Variants in RRP9 observed in about 807,000 individuals in gnomAD.
The protein encoded by RRP9 is ribosomal RNA processing 9, U3 small nucleolar RNA binding protein.
A neutral mutation model predicts 65.5 loss-of-function variants in RRP9; 35 were observed. The observed-to-expected ratio is 0.53, with a 90% CI of 0.41 to 0.71. RRP9 has a LOEUF of 0.71. RRP9 is among the 30% of genes least tolerant of loss of function. The probability of loss-of-function intolerance (pLI) is 0.00; values close to 1 mark genes in which losing one functional copy is unlikely to be tolerated. For missense variants in RRP9, 533 were observed against 633.6 expected (o/e 0.84, Z 1.70); for synonymous variants, 254 against 245.0 (o/e 1.04, Z -0.34).
rs200679569 is a variant in RRP9 at position 51,934,726 on chromosome 3, C to G, written c.1085G>C (p.Arg362Pro). 1 of 1,614,132 alleles carries G rather than the reference C, an allele frequency of 6.2e-7. No homozygotes were observed. Among genetic ancestry groups the G allele is most frequent in the Non-Finnish European group, 8.5e-7 (1 of 1,180,018 alleles). ...LSKKRPLALQREAHGLRGEPG... is the reference protein window; with the variant it reads ...LSKKRPLALQPEAHGLRGEPG... ...CTCTCCCCGCAGCCCGTGAGCTTCACGCTGCAGGGCAAGTGGTCGCTTCTT... is the reference window on the plus strand; with the variant it reads ...CTCTCCCCGCAGCCCGTGAGCTTCAGGCTGCAGGGCAAGTGGTCGCTTCTT... Residue 362 changes from arginine to proline, a missense_variant, in exon 12 of 15, where the codon CGT becomes CCT. By Grantham distance (103) the Arg-to-Pro change is moderately radical. Around this residue, in one of 3 missense-constraint regions of RRP9, gnomAD observed 449 missense variants for 550.6 expected, o/e 0.82. Transcript: ENST00000232888. This position sits in a 1 kb window ranked among gnomAD's most constrained non-coding sequence, Gnocchi z 4.1.
chr3:51,936,583 CTGGGA>C (rs753476056), intron 6 of RRP9, 28 bp from the exon 7 acceptor site: 6 of 1,608,912 alleles, frequency 3.7e-6, no homozygotes, highest in Non-Finnish European at 3.4e-6. Flanking sequence ...GGAGAAGCTA[CTGGGA>C]TGGGGGGATA....
At position 51,937,592 on chromosome 3, in the gene RRP9, T is replaced by G; in HGVS notation, c.349-6A>C. On this transcript the variant is annotated splice_polypyrimidine_tract_variant and splice_region_variant and intron_variant, in intron 4 of 14. Coordinates refer to ENST00000232888, the MANE Select transcript of RRP9 (RefSeq NM_004704.5). The surrounding 1 kb of genome is among the most constrained non-coding windows in gnomAD (Gnocchi z 5.0). Reference sequence around the variant, plus strand: ...AGCCTGCCCCTCTGCTCAAGCTGCATGGAGAAGAGATGGATGAGACCCTGG... The same window carrying G: ...AGCCTGCCCCTCTGCTCAAGCTGCAGGGAGAAGAGATGGATGAGACCCTGG... 1 of 1,614,214 alleles carries G rather than the reference T, an allele frequency of 6.2e-7. No homozygotes were observed. The highest frequency in any genetic ancestry group is 8.5e-7 in the Non-Finnish European group (1 of 1,180,032).
At chr3:51,938,243 T>C (rs1309804162) in intron 2 of RRP9, 39 bp from the exon 3 acceptor site, 1 of 1,453,682 alleles carries the variant, frequency 6.9e-7, no homozygotes, top group Admixed American at 2.1e-5. Context: ...GGGCTCACCT[T>C]GTTCCTCTGA....
chr3:51,934,322 T>C lies in RRP9; in HGVS notation c.1260+150A>G, dbSNP rs1699426055. ...AGGAAGGGGAGCAGAGGAGGGAAAGTGGGGAGGGTTCCTGCCAGGCCCTGT... is the reference window on the plus strand; with the variant it reads ...AGGAAGGGGAGCAGAGGAGGGAAAGCGGGGAGGGTTCCTGCCAGGCCCTGT... On this transcript the variant is annotated intron_variant, in intron 13 of 14. Coordinates refer to ENST00000232888, the MANE Select transcript of RRP9 (RefSeq NM_004704.5). This position sits in a 1 kb window ranked among gnomAD's most constrained non-coding sequence, Gnocchi z 4.1. 1 of 734,370 alleles carries C rather than the reference T, an allele frequency of 1.4e-6. No individual in the cohort carries two copies. Among genetic ancestry groups the C allele is most frequent in the Non-Finnish European group, 2.2e-6 (1 of 446,206 alleles). 45.5% of individuals were successfully genotyped at this position (734,370 alleles called of 1,614,324 possible).
intron 2 of RRP9, among the ~76,000 whole-genome samples, chr3:51,938,860 C>T (rs1699485830): frequency 6.6e-6 from 1 of 152,128 alleles, no homozygotes; most frequent in Non-Finnish European, 1.5e-5. Flanking sequence ...ACCAGGCAGA[C>T]ACACCAGGAC....
Position 51,938,147 on chromosome 3 carries a change from C to T in RRP9, c.228G>A (p.Gln76=). ...EEEEELEETA[Q]EKKLRLAKLY... is the part of the protein sequence containing the mutation. ...GCTTGGCCAAGCGCAGCTTCTTTTC[C>T]TGTGCAGTTTCCTCCAGCTCCTCCT... The change falls in exon 3 of 15, where the codon CAG becomes CAA. Residue 76 remains glutamine, a synonymous_variant. Coordinates refer to ENST00000232888, the MANE Select transcript of RRP9 (RefSeq NM_004704.5). 1 of 1,606,494 alleles carries T rather than the reference C, an allele frequency of 6.2e-7. No individual in the cohort carries two copies. Among genetic ancestry groups the T allele is most frequent in the Non-Finnish European group, 8.5e-7 (1 of 1,178,252 alleles).
rs755386168 is a variant in RRP9, at chr3:51,941,414, G to A, written c.165C>T (p.Ser55=). 4.3e-6 allele frequency: 7 copies of A among 1,613,720 alleles called. No homozygotes were observed. Among genetic ancestry groups the A allele is most frequent in the East Asian group, 2.2e-5 (1 of 44,896 alleles). ...TGTGGAAAAGAATAGCTCACCTCTC[G>A]CTCTCAGAGTCGCTGGAGATCTCCT... ...MNEEISSDSE[S]ESLAPRKPEE... The change falls in exon 2 of 15, where the codon AGC becomes AGT. Residue 55 remains serine (S), a synonymous_variant. Coordinates refer to ENST00000232888, the MANE Select transcript of RRP9 (RefSeq NM_004704.5).
At chr3:51,938,238 C>CA (rs1170844588) in intron 2 of RRP9, 34 bp from the exon 3 acceptor site, 5 of 1,472,948 alleles carry the variant, frequency 3.4e-6, no homozygotes, top group Non-Finnish European at 4.6e-6. Context: ...CTGAGGGGCT[C>CA]ACCTTGTTCC....
At position 51,935,172 on chromosome 3, in the gene RRP9, C is replaced by T. The variant is rs1381564414; in HGVS notation, c.1034+25G>A. 3.7e-6 allele frequency: 6 copies of T among 1,613,838 alleles called. No homozygotes were observed. The South Asian group carries it at 5.5e-5, about 15-fold the overall frequency. ...AGCACTCAGGAGCAGAAGCCGTGGC[C>T]AGAGACATCCAAAGGACCTCTTACC... On this transcript the variant is annotated intron_variant, in intron 11 of 14. Coordinates refer to ENST00000232888, the MANE Select transcript of RRP9 (RefSeq NM_004704.5).
Position 51,934,425 on chromosome 3 carries a change from A to T in RRP9, c.1260+47T>A. 1 of 1,569,764 alleles carries T rather than the reference A, an allele frequency of 6.4e-7. No homozygotes were observed. Among genetic ancestry groups the T allele is most frequent in the Non-Finnish European group, 8.7e-7 (1 of 1,150,022 alleles). On this transcript the variant is annotated intron_variant, in intron 13 of 14. Coordinates refer to ENST00000232888, the MANE Select transcript of RRP9 (RefSeq NM_004704.5). The surrounding 1 kb of genome is among the most constrained non-coding windows in gnomAD (Gnocchi z 4.1). Reference sequence around the variant, plus strand: ...CTTAAAGAGCTAACTCCAGGGGCCTAGGCAGTGTGGCAGAGACAGGCTGAG... The same window carrying T: ...CTTAAAGAGCTAACTCCAGGGGCCTTGGCAGTGTGGCAGAGACAGGCTGAG...
chr3:51,940,904 A>T (rs186108182), intron 2 of RRP9, among the ~76,000 whole-genome samples: 1 of 150,820 alleles, frequency 6.6e-6, no homozygotes, highest in Non-Finnish European at 1.5e-5. Flanking sequence ...TCCGTGAGAG[A>T]CTCCTCTTCA....
At chr3:51,941,353 T>G in intron 2 of RRP9, 56 bp downstream of exon 2, 2 of 1,418,348 alleles carry the variant, frequency 1.4e-6, no homozygotes, top group South Asian at 2.3e-5. Context: ...CACTCAGTCT[T>G]CCGTGCACCA....
At position 51,936,246 on chromosome 3, in the gene RRP9, C is replaced by A; in HGVS notation, c.735+11G>T. 1 of 1,613,030 alleles carries A rather than the reference C, an allele frequency of 6.2e-7. No homozygotes were observed. Among genetic ancestry groups the A allele is most frequent in the Non-Finnish European group, 8.5e-7 (1 of 1,178,970 alleles). ...CACTAAAGATCCACTGACATAGACCCAGCTCCTCACCGACACTGCATCCCG... is the reference window on the plus strand; with the variant it reads ...CACTAAAGATCCACTGACATAGACCAAGCTCCTCACCGACACTGCATCCCG... On this transcript the variant is annotated intron_variant, in intron 8 of 14. Coordinates refer to ENST00000232888, the MANE Select transcript of RRP9 (RefSeq NM_004704.5).
chr3:51,941,572 C>G (rs1328787513), intron 1 of RRP9, 81 bp from the exon 2 acceptor site: 1 of 1,355,866 alleles, frequency 7.4e-7, no homozygotes, highest in African/African-American at 1.5e-5. Flanking sequence ...CCTCGGTTCC[C>G]TCAGAACCCC....
In RRP9 at chr3:51,935,853, G is replaced by A. The variant is rs1041229219; in HGVS notation, c.736-161C>T. ...CATCTGCCCCTGAGCAGATGCAGAC[G>A]TCTTTTTTATTTATTTATTTTTTTT... On this transcript the variant is annotated intron_variant, in intron 8 of 14. Transcript: ENST00000232888. Among the ~76,000 whole-genome samples the A allele has an allele frequency of 6.6e-5, 10 of 152,186 alleles. 1 individual carries two copies. The highest frequency in any genetic ancestry group is 3.3e-4 in the Admixed American group (5 of 15,282).
chr3:51,934,387 C>A lies in RRP9; in HGVS notation c.1260+85G>T. On this transcript the variant is annotated intron_variant, in intron 13 of 14. Coordinates refer to ENST00000232888, the MANE Select transcript of RRP9 (RefSeq NM_004704.5). The surrounding 1 kb of genome is among the most constrained non-coding windows in gnomAD (Gnocchi z 4.1). The stretch of plus-strand genomic sequence containing the variant: ...CTGCCCTGAGAAGGTTCCCTTCTGG[C>A]AGGAAGAAAGACCTTAAAGAGCTAA... 7.1e-7 allele frequency: 1 copy of A among 1,406,736 alleles called. No homozygotes were observed. The highest frequency in any genetic ancestry group is 9.7e-7 in the Non-Finnish European group (1 of 1,030,976). The allele number at this position is 1,406,736 out of a possible 1,614,324, so 87.1% of individuals were successfully genotyped here.
rs1699427025 is a variant in RRP9, at chr3:51,934,383, C to T, written c.1260+89G>A. On this transcript the variant is annotated intron_variant, in intron 13 of 14. Transcript: ENST00000232888. This position sits in a 1 kb window ranked among gnomAD's most constrained non-coding sequence, Gnocchi z 4.1. ...GGCCCTGCCCTGAGAAGGTTCCCTTCTGGCAGGAAGAAAGACCTTAAAGAG... is the reference window on the plus strand; with the variant it reads ...GGCCCTGCCCTGAGAAGGTTCCCTTTTGGCAGGAAGAAAGACCTTAAAGAG... The T allele has an allele frequency of 5.1e-6, 7 of 1,381,674 alleles. No individual in the cohort carries two copies. Among genetic ancestry groups the T allele is most frequent in the Non-Finnish European group, 5.9e-6 (6 of 1,010,182 alleles). The allele number at this position is 1,381,674 out of a possible 1,614,324, so 85.6% of individuals were successfully genotyped here.
At chr3:51,935,567 C>G (rs1180564080) in intron 9 of RRP9, 25 bp downstream of exon 9, 1 of 1,613,746 alleles carries the variant, frequency 6.2e-7, no homozygotes, top group Admixed American at 1.7e-5. Flanking sequence ...ACACCATCCA[C>G]ACACCCTCTC....
chr3:51,935,672 G>A lies in RRP9; in HGVS notation c.756C>T (p.Gly252=). Residue 252 remains glycine (G), a synonymous_variant, in exon 9 of 15, where the codon GGC becomes GGT. Transcript: ENST00000232888. ...GGGATGTGCTGTAGAGCTGGTGGGT[G>A]CCTCTGCGGAATGCCAGACCCTAAG... ...DAVSGLAFRR[G]THQLYSTSHD... is the part of the protein sequence containing the mutation. 2 of 1,614,140 alleles carry A rather than the reference G, an allele frequency of 1.2e-6. No individual in the cohort carries two copies. Among genetic ancestry groups the A allele is most frequent in the Non-Finnish European group, 1.7e-6 (2 of 1,179,990 alleles).
Sources: allele counts gnomAD v4.1 joint callset (sites outside exome capture counted in the v4.1 genomes callset), GRCh38; gene constraint gnomAD v4.1.1; regional missense constraint gnomAD v4.1.1; non-coding constraint Gnocchi (gnomAD v3.1); transcripts MANE v1.5; gene names NCBI Gene and HGNC (gene_info 2026-07-23, HGNC 2026-07-21).